The following TRAK1 variants were observed in gnomAD, a reference collection of about 807,000 sequenced individuals.
TRAK1 encodes the protein trafficking kinesin protein 1.
TRAK1 carries 33 observed loss-of-function variants against 92.1 expected under a neutral mutation model. The observed-to-expected ratio is 0.36, with a 90% CI of 0.27 to 0.48. The LOEUF is 0.48. Among genes scored for constraint, TRAK1 ranks in the 20% least tolerant of loss-of-function variants. TRAK1 has a pLI of 0.99. For synonymous variants in TRAK1, 521 were observed against 517.3 expected, an observed-to-expected ratio of 1.01 and a Z score of -0.10; for missense variants, 1,123 against 1,257.9, an observed-to-expected ratio of 0.89 and a Z score of 1.62.
chr3:42,181,674 T>C (rs948760027), intron 3 of TRAK1, among the ~76,000 whole-genome samples: 2 of 152,238 alleles, frequency 1.3e-5, no homozygotes, highest in Admixed American at 1.3e-4. Flanking sequence ...ATGAAGCAAC[T>C]GCTGAGTGTT....
At position 42,202,995 on chromosome 3, in the gene TRAK1, G is replaced by A; in HGVS notation, c.1744+243G>A. On this transcript the variant is annotated intron_variant, in intron 13 of 15. Transcript: ENST00000327628. This position sits in a 1 kb window ranked among gnomAD's most constrained non-coding sequence, Gnocchi z 6.1. ...CATGAAACTCGCCGAGGAAAGACAAGCATGTGCACTGTGGTCTTCTAGTTC... is the reference window on the plus strand; with the variant it reads ...CATGAAACTCGCCGAGGAAAGACAAACATGTGCACTGTGGTCTTCTAGTTC... 3 of 1,328,902 alleles carry A rather than the reference G, an allele frequency of 2.3e-6. No homozygotes were observed. Among genetic ancestry groups the A allele is most frequent in the Non-Finnish European group, 2.9e-6 (3 of 1,038,568 alleles). 82.3% of individuals were successfully genotyped at this position (1,328,902 alleles called of 1,614,324 possible).
chr3:42,059,503 T>A (rs972313700), intron 1 of TRAK1, among the ~76,000 whole-genome samples: 6 of 152,250 alleles, frequency 3.9e-5, no homozygotes, highest in Non-Finnish European at 8.8e-5. Context: ...AAAAGAGAAC[T>A]GTGGCCTGTT....
chr3:42,029,544 A>C (rs992806069), intron 1 of TRAK1, among the ~76,000 whole-genome samples: 2 of 150,612 alleles, frequency 1.3e-5, no homozygotes, highest in Non-Finnish European at 3.0e-5. Flanking sequence ...GCCCAGCCTG[A>C]TAGAATTTTT....
At chr3:42,136,228 G>A (rs527589531) in intron 2 of TRAK1, among the ~76,000 whole-genome samples, 22 of 152,310 alleles carry the variant, frequency 1.4e-4, no homozygotes, top group African/African-American at 5.1e-4. Flanking sequence ...GAGTGAGGAA[G>A]CAGGCATGTG....
intron 1 of TRAK1, among the ~76,000 whole-genome samples, chr3:42,054,946 A>AGT (rs1221990909): frequency 1.6e-4 from 14 of 85,998 alleles, no homozygotes; most frequent in Non-Finnish European, 2.3e-4. Context: ...TTTGAGACAG[A>AGT]GTCTCACTCT....
intron 2 of TRAK1, among the ~76,000 whole-genome samples, chr3:42,157,803 C>T (rs1263252412): frequency 1.3e-5 from 2 of 152,148 alleles, no homozygotes; most frequent in Non-Finnish European, 2.9e-5. Flanking sequence ...ATTGGGACAA[C>T]TGAAGGGAAT....
chr3:42,144,836 T>C lies in TRAK1; in HGVS notation c.286+19222T>C, dbSNP rs77125405. On this transcript the variant is annotated intron_variant, in intron 2 of 15. Coordinates refer to ENST00000327628, the MANE Select transcript of TRAK1 (RefSeq NM_001042646.3). ...ACATTTGCAAAGAGATGGCTAGGAT[T>C]TCAGTAAAAGACAAAGGTTTATAGT... Among the ~76,000 whole-genome samples the C allele has an allele frequency of 9.7e-4, 147 of 152,328 alleles. 1 individual carries two copies. In the South Asian group the frequency reaches 0.015, roughly 15 times the overall value.
Position 42,045,931 on chromosome 3 carries a change from A to AT in TRAK1, c.-519+31815dup, listed in dbSNP as rs1337480168. Among the ~76,000 whole-genome samples, 6 of 152,350 alleles carry AT rather than the reference A, an allele frequency of 3.9e-5. No homozygotes were observed. In the East Asian group the frequency reaches 1.2e-3, roughly 29 times the overall value. ...AGTTACTGAGTTCTGAATCAGGCCT[A>AT]TATTCCAGGGCCATTGCTATAATTG... On this transcript the variant is annotated intron_variant, in intron 1 of 16. Transcript: ENST00000487159.
rs1051577557 is a variant in TRAK1 at position 42,122,459 on chromosome 3, G to C, written c.92-2961G>C. 2.6e-5 allele frequency among the ~76,000 whole-genome samples: 4 copies of C among 152,006 alleles called. No homozygotes were observed. The East Asian group carries it at 5.8e-4, about 22-fold the overall frequency. On this transcript the variant is annotated intron_variant, in intron 1 of 15. Coordinates refer to ENST00000327628, the MANE Select transcript of TRAK1 (RefSeq NM_001042646.3). ...GCGGGAATGTGTTGGTTCCCTGCCT[G>C]TTCTACTAGGGATAGGCTGGCACTG...
At chr3:42,152,963 G>T (rs1178054389) in intron 2 of TRAK1, among the ~76,000 whole-genome samples, 1 of 152,196 alleles carries the variant, frequency 6.6e-6, no homozygotes, top group Admixed American at 6.5e-5. Context: ...TGGAAAACAG[G>T]AGTAACAACA....
intron 2 of TRAK1, among the ~76,000 whole-genome samples, chr3:42,136,668 A>ATAAC (rs1559817272): frequency 7.9e-5 from 12 of 151,736 alleles, no homozygotes; most frequent in Non-Finnish European, 1.5e-4. Context: ...AAATAAATAA[A>ATAAC]TAACATTTCT....
chr3:42,179,300 G>T (rs868690397), intron 3 of TRAK1, among the ~76,000 whole-genome samples: 5 of 152,306 alleles, frequency 3.3e-5, no homozygotes, highest in Middle Eastern at 3.4e-3. Flanking sequence ...TGCACTGTGC[G>T]GTGGTTTTCC....
chr3:42,136,743 C>T (rs1228962823), intron 2 of TRAK1, among the ~76,000 whole-genome samples: 4 of 151,888 alleles, frequency 2.6e-5, no homozygotes, highest in Non-Finnish European at 5.9e-5. Flanking sequence ...AGTGCAGTGG[C>T]GTGTTCTTGG....
intron 15 of TRAK1, among the ~76,000 whole-genome samples, chr3:42,220,036 C>T (rs374915101): frequency 6.6e-6 from 1 of 152,184 alleles, no homozygotes; most frequent in South Asian, 2.1e-4. Context: ...CCTTAACCAG[C>T]TGAAGTTGAC....
chr3:42,189,161 G>T (rs1455122375), intron 6 of TRAK1, 37 bp downstream of exon 6: 2 of 1,520,522 alleles, frequency 1.3e-6, no homozygotes, highest in South Asian at 1.1e-5. Context: ...CTGCTAGAAG[G>T]GTGGTGGCCC....
chr3:42,169,838 G>T (rs963554405), intron 2 of TRAK1, among the ~76,000 whole-genome samples: 1 of 152,196 alleles, frequency 6.6e-6, no homozygotes, highest in Non-Finnish European at 1.5e-5. Flanking sequence ...TGTCTGGGCA[G>T]ACTGTAAAAA....
intron 1 of TRAK1, among the ~76,000 whole-genome samples, chr3:42,033,896 C>G (rs1340573774): frequency 6.6e-6 from 1 of 152,174 alleles, no homozygotes; most frequent in Non-Finnish European, 1.5e-5. Context: ...CTTCCCCTGA[C>G]ATACCGCTGC....
intron 1 of TRAK1, among the ~76,000 whole-genome samples, chr3:42,030,003 G>A (rs1358839195): frequency 1.3e-5 from 2 of 152,080 alleles, no homozygotes; most frequent in South Asian, 2.1e-4. Context: ...GTGGAAGGAT[G>A]TGACGTGCCC....
chr3:42,113,322 T>C (rs1027965322), intron 1 of TRAK1, among the ~76,000 whole-genome samples: 2 of 150,564 alleles, frequency 1.3e-5, no homozygotes, highest in Non-Finnish European at 2.9e-5. Flanking sequence ...TATTCTACTC[T>C]ACTCTCTACT....
Sources: allele counts gnomAD v4.1 joint callset (sites outside exome capture counted in the v4.1 genomes callset), GRCh38; gene constraint gnomAD v4.1.1; non-coding constraint Gnocchi (gnomAD v3.1); transcripts MANE v1.5; gene names NCBI Gene and HGNC (gene_info 2026-07-23, HGNC 2026-07-21).